The following PLAUR variants were observed in gnomAD, a reference collection of about 807,000 sequenced individuals.
PLAUR encodes urokinase plasminogen activator surface receptor.
PLAUR carries 22 observed loss-of-function variants against 33.4 expected under a neutral mutation model. The observed-to-expected ratio is 0.66, with a 90% confidence interval of 0.47 to 0.94. The LOEUF (loss-of-function observed/expected upper bound fraction) is 0.94. PLAUR is among the 40% of genes least tolerant of loss of function. The pLI is 0.00. For synonymous variants in PLAUR, 148 were observed against 167.3 expected, an observed-to-expected ratio of 0.88 and a Z score of 0.89; for missense variants, 408 against 434.7, an observed-to-expected ratio of 0.94 and a Z score of 0.55.
intron 5 of PLAUR, among the ~76,000 whole-genome samples, chr19:43,655,192 G>A (rs1974151728): frequency 6.9e-6 from 1 of 145,658 alleles, no homozygotes; most frequent in South Asian, 2.1e-4. Flanking sequence ...CAGGAGAATC[G>A]CTTGAACTCG....
At position 43,665,429 on chromosome 19, in the gene PLAUR, C is replaced by A. The variant is rs771657400; in HGVS notation, c.197G>T (p.Ser66Ile). The A allele has an allele frequency of 6.2e-7, 1 of 1,613,368 alleles. No homozygotes were observed. Among genetic ancestry groups the A allele is most frequent in the Non-Finnish European group, 8.5e-7 (1 of 1,179,892 alleles). The change falls in exon 3 of 7, where the codon AGC becomes ATC. Residue 66 changes from serine to isoleucine, a missense_variant. Transcript: ENST00000340093. ...EGEELELVEK[S>I]CTHSEKTNRT... is the part of the protein sequence containing the mutation. ...GTTGGTCTTCTCTGAGTGGGTACAG[C>A]TTTTCTCCACCAGCTCCAGCTCTTC...
intron 6 of PLAUR, among the ~76,000 whole-genome samples, chr19:43,650,021 T>C (rs1397181508): frequency 6.6e-6 from 1 of 151,630 alleles, no homozygotes; most frequent in Non-Finnish European, 1.5e-5. Flanking sequence ...TTTTTTTGTT[T>C]TTTTTTTTGA....
chr19:43,664,029 T>C (rs958874968), intron 3 of PLAUR, among the ~76,000 whole-genome samples: 1 of 151,960 alleles, frequency 6.6e-6, no homozygotes, highest in Non-Finnish European at 1.5e-5. Context: ...CAGGAGTTTG[T>C]CCCAGCACTG....
chr19:43,652,182 AC>A, intron 6 of PLAUR, 42 bp downstream of exon 6: 1 of 1,605,316 alleles, frequency 6.2e-7, no homozygotes, highest in Non-Finnish European at 8.5e-7. Context: ...GGAACTCTCC[AC>A]CCCCAATAAG....
intron 5 of PLAUR, among the ~76,000 whole-genome samples, chr19:43,655,201 C>T (rs991348407): frequency 7.1e-6 from 1 of 140,284 alleles, no homozygotes; most frequent in Non-Finnish European, 1.5e-5. Context: ...CGCTTGAACT[C>T]GTGAGGCGAA....
chr19:43,650,938 C>T (rs147425777), intron 6 of PLAUR, among the ~76,000 whole-genome samples: 130 of 148,930 alleles, frequency 8.7e-4, no homozygotes, highest in African/African-American at 3.1e-3. Flanking sequence ...GAAGCTGAGG[C>T]AGGAGGATTG....
chr19:43,652,210 CG>C lies in PLAUR; in HGVS notation c.754+14del, dbSNP rs1568552466. 7.4e-6 allele frequency: 12 copies of C among 1,613,546 alleles called. No individual in the cohort carries two copies. Among genetic ancestry groups the C allele is most frequent in the Admixed American group, 6.7e-5 (4 of 59,954 alleles). The stretch of plus-strand genomic sequence containing the variant: ...CCCAATAAGTGTTCCCTCCCAGCCT[CG>C]GAGAGGGCCTCACCGTGAGTGCCGG... On this transcript the variant is annotated intron_variant, in intron 6 of 6. Coordinates refer to ENST00000340093, the MANE Select transcript of PLAUR (RefSeq NM_002659.4).
At chr19:43,667,991 C>A (rs1318047362) in intron 1 of PLAUR, 1 of 1,223,182 alleles carries the variant, frequency 8.2e-7, no homozygotes, top group African/African-American at 1.5e-5. Flanking sequence ...CAGTCGTATC[C>A]CCGCCCTCTC....
downstream of PLAUR, among the ~76,000 whole-genome samples, chr19:43,647,423 C>T (rs1332140038): frequency 1.3e-5 from 2 of 152,140 alleles, no homozygotes; most frequent in East Asian, 1.9e-4. Context: ...CTCCTTAGAA[C>T]AACAAAATAG....
chr19:43,647,868 G>A (rs553216929), downstream of PLAUR, among the ~76,000 whole-genome samples: 2 of 151,046 alleles, frequency 1.3e-5, no homozygotes, highest in East Asian at 3.9e-4. Flanking sequence ...TGGCTTGACG[G>A]TGAAGGACAG....
At chr19:43,650,000 T>C (rs1013644708) in intron 6 of PLAUR, among the ~76,000 whole-genome samples, 6 of 147,808 alleles carry the variant, frequency 4.1e-5, no homozygotes, top group African/African-American at 1.5e-4. Flanking sequence ...GCCAGTTTTC[T>C]CATTACGCTT....
intron 3 of PLAUR, among the ~76,000 whole-genome samples, chr19:43,662,722 T>G (rs959650585): frequency 6.4e-4 from 10 of 15,722 alleles, no homozygotes; most frequent in Middle Eastern, 0.032. Flanking sequence ...TTTCCACTGT[T>G]TTTTTTTTTT....
downstream of PLAUR, chr19:43,648,578 G>C (rs1479786765): frequency 9.9e-7 from 1 of 1,012,514 alleles, no homozygotes. Flanking sequence ...ACCTGGCCTT[G>C]TCCACTGGTA....
intron 6 of PLAUR, among the ~76,000 whole-genome samples, chr19:43,650,992 C>T (rs1306147225): frequency 1.4e-5 from 2 of 146,776 alleles, no homozygotes; most frequent in Non-Finnish European, 3.0e-5. Context: ...GAGACCATGC[C>T]ACTGCACTCT....
chr19:43,648,906 G>A lies in PLAUR; in HGVS notation c.992C>T (p.Thr331Ile), dbSNP rs867949500. ...ATTTCAGGTTTAGGTCCAGAGGAGA[G>A]TGCCTCCCCACAGTCTGGCAGTCAT... ...LLMTARLWGG[T>I]LLWT The change falls in exon 7 of 7, where the codon ACT becomes ATT. Residue 331 changes from threonine (T) to isoleucine (I), a missense_variant. Coordinates refer to ENST00000340093, the MANE Select transcript of PLAUR (RefSeq NM_002659.4). The A allele has an allele frequency of 5.0e-6, 8 of 1,613,702 alleles. No individual in the cohort carries two copies. The highest frequency in any genetic ancestry group is 6.8e-6 in the Non-Finnish European group (8 of 1,179,740).
chr19:43,652,778 G>A (rs1974051034), intron 5 of PLAUR, among the ~76,000 whole-genome samples: 1 of 152,084 alleles, frequency 6.6e-6, no homozygotes, highest in Admixed American at 6.6e-5. Flanking sequence ...AGCCTCCTGA[G>A]TAGCTGGGAC....
At chr19:43,655,301 G>A in intron 5 of PLAUR, 138 bp downstream of exon 5, 1 of 552,346 alleles carries the variant, frequency 1.8e-6, no homozygotes, top group Non-Finnish European at 3.0e-6. Context: ...AAAAAAAAAG[G>A]CCTGATACTC....
At chr19:43,649,746 GA>G (rs145123727) in intron 6 of PLAUR, among the ~76,000 whole-genome samples, 7,540 of 150,724 alleles carry the variant, frequency 0.05, 208 homozygotes, top group Middle Eastern at 0.19. Flanking sequence ...GAAAAGGAAA[GA>G]AAAAAAAAGA....
chr19:43,657,006 C>A (rs1396917037), intron 3 of PLAUR, among the ~76,000 whole-genome samples: 2 of 151,266 alleles, frequency 1.3e-5, no homozygotes, highest in Non-Finnish European at 2.9e-5. Flanking sequence ...CGCAGTGGCA[C>A]CATCTTGGCT....
Sources: gnomAD v4.1 joint callset for allele counts (sites outside exome capture counted in the v4.1 genomes callset) on GRCh38, gnomAD v4.1.1 for gene constraint, MANE v1.5 for transcripts, NCBI Gene and HGNC (gene_info 2026-07-23, HGNC 2026-07-21) for gene names.